The following AIG1 variants were observed in gnomAD, a reference collection of about 807,000 sequenced individuals.
AIG1 encodes androgen-induced gene 1 protein.
A neutral mutation model predicts 31.4 loss-of-function variants in AIG1; 23 were observed. The observed-to-expected ratio is 0.73, with a 90% CI of 0.53 to 1.04. The LOEUF is 1.04. Ranked by LOEUF, AIG1 falls within the 50% of genes least tolerant of loss-of-function variation. The probability of loss-of-function intolerance (pLI) is 0.00; values close to 1 mark genes in which losing one functional copy is unlikely to be tolerated. For missense variants in AIG1, 274 were observed against 295.0 expected, an observed-to-expected ratio of 0.93 and a Z score of 0.52; for synonymous variants, 100 against 110.5, an observed-to-expected ratio of 0.90 and a Z score of 0.60.
intron 3 of AIG1, among the ~76,000 whole-genome samples, chr6:143,223,904 G>A (rs1792731585): frequency 6.6e-6 from 1 of 152,048 alleles, no homozygotes; most frequent in Non-Finnish European, 1.5e-5. Flanking sequence ...TTAAGAAATA[G>A]ACTACCATCA....
rs754751806 is a variant in AIG1 at position 143,060,898 on chromosome 6, G to T, written c.-28G>T. On this transcript the variant is annotated 5_prime_UTR_variant, in exon 1 of 6. Coordinates refer to ENST00000357847, the MANE Select transcript of AIG1 (RefSeq NM_016108.4). ...CTCCCTCACGCCCGCCCTCCTTGCC[G>T]CCCAGCCGGTCCAGGCCTCTGGCGA... 2 of 1,449,420 alleles carry T rather than the reference G, an allele frequency of 1.4e-6. No individual in the cohort carries two copies. Among genetic ancestry groups the T allele is most frequent in the Non-Finnish European group, 1.8e-6 (2 of 1,091,866 alleles). The allele number at this position is 1,449,420 out of a possible 1,614,324, so 89.8% of individuals were successfully genotyped here.
intron 3 of AIG1, among the ~76,000 whole-genome samples, chr6:143,213,508 C>CTTTTTTTTTTTTTTTTT (rs746350692): frequency 2.0e-4 from 12 of 61,196 alleles, no homozygotes; most frequent in Non-Finnish European, 3.8e-4. Flanking sequence ...TTTCTTTCTT[C>CTTTTTTTTTTTTTTTTT]TTTTTTTTTT....
At chr6:143,084,166 T>C (rs753903375) in intron 1 of AIG1, among the ~76,000 whole-genome samples, 1 of 152,112 alleles carries the variant, frequency 6.6e-6, no homozygotes, top group Admixed American at 6.5e-5. Flanking sequence ...TACCCGAGGC[T>C]CTGTGACGGT....
At chr6:143,148,337 C>CAAAAAAAAA (rs527337431) in intron 2 of AIG1, among the ~76,000 whole-genome samples, 1 of 46,382 alleles carries the variant, frequency 2.2e-5, no homozygotes. Context: ...CCCATCTCTA[C>CAAAAAAAAA]AAAAAAAAAA....
chr6:143,139,195 T>C (rs955848053), intron 2 of AIG1, among the ~76,000 whole-genome samples: 17 of 152,238 alleles, frequency 1.1e-4, no homozygotes, highest in Admixed American at 7.2e-4. Context: ...TGTTTAGTTA[T>C]TTGTTTTAGT....
At chr6:143,287,400 T>A (rs369539151) in intron 4 of AIG1, among the ~76,000 whole-genome samples, 9 of 152,142 alleles carry the variant, frequency 5.9e-5, no homozygotes, top group African/African-American at 2.2e-4. Flanking sequence ...TTAGAAAGAG[T>A]ACATGACTTG....
intron 2 of AIG1, among the ~76,000 whole-genome samples, chr6:143,164,173 TA>T (rs1786696307): frequency 6.6e-6 from 1 of 152,232 alleles, no homozygotes; most frequent in Non-Finnish European, 1.5e-5. Flanking sequence ...TTCCATTTTG[TA>T]GCATTTTTTA....
chr6:143,224,354 G>A (rs1253977382), intron 3 of AIG1, among the ~76,000 whole-genome samples: 1 of 152,142 alleles, frequency 6.6e-6, no homozygotes, highest in Non-Finnish European at 1.5e-5. Context: ...CAGGAAACCA[G>A]GAATAGTAGG....
intron 1 of AIG1, among the ~76,000 whole-genome samples, chr6:143,072,839 C>G (rs1054692240): frequency 6.6e-6 from 1 of 152,110 alleles, no homozygotes; most frequent in Non-Finnish European, 1.5e-5. Flanking sequence ...ATTAGCATAT[C>G]CATTATTTCA....
intron 3 of AIG1, among the ~76,000 whole-genome samples, chr6:143,271,142 G>C (rs1475975489): frequency 6.6e-6 from 1 of 152,246 alleles, no homozygotes; most frequent in Non-Finnish European, 1.5e-5. Flanking sequence ...GCAGATGTCA[G>C]TGCAGAGATG....
At chr6:143,223,919 G>A (rs1792732643) in intron 3 of AIG1, among the ~76,000 whole-genome samples, 1 of 151,968 alleles carries the variant, frequency 6.6e-6, no homozygotes, top group South Asian at 2.1e-4. Context: ...CCATCATAAG[G>A]GCTGTAGTGT....
chr6:143,061,597 C>T, intron 1 of AIG1: 1 of 290,920 alleles, frequency 3.4e-6, no homozygotes, highest in South Asian at 3.3e-5. Flanking sequence ...TTCTTTGCAT[C>T]TGTTTTTTTC....
At chr6:143,077,653 A>C (rs996468694) in intron 1 of AIG1, among the ~76,000 whole-genome samples, 2 of 152,028 alleles carry the variant, frequency 1.3e-5, no homozygotes, top group African/African-American at 2.4e-5. Flanking sequence ...TCTGCATATG[A>C]TGTTTCTGGG....
rs914830320 is a variant in AIG1, at chr6:143,292,705, CT to C, written c.515+8482del. 2.0e-5 allele frequency among the ~76,000 whole-genome samples: 3 copies of C among 152,216 alleles called. No homozygotes were observed. Among genetic ancestry groups the C allele is most frequent in the African/African-American group, 7.2e-5 (3 of 41,444 alleles). ...AAAAAACGAATACTTGAACAAATCA[CT>C]TAATCTCTATGGGCCTCAATTTCCT... On this transcript the variant is annotated intron_variant, in intron 4 of 5. Transcript: ENST00000357847. The surrounding 1 kb of genome is among the most constrained non-coding windows in gnomAD (Gnocchi z 4.9).
chr6:143,113,632 A>T (rs917703573), intron 1 of AIG1, among the ~76,000 whole-genome samples: 2 of 151,200 alleles, frequency 1.3e-5, no homozygotes, highest in African/African-American at 4.9e-5. Flanking sequence ...AAAGTTACAG[A>T]TTTCTTTTTT....
rs535210258 is a variant in AIG1 at position 143,202,703 on chromosome 6, G to A, written c.399+37520G>A. 1.3e-4 allele frequency among the ~76,000 whole-genome samples: 20 copies of A among 152,236 alleles called. No individual in the cohort carries two copies. The South Asian group carries it at 2.7e-3, about 21-fold the overall frequency. ...GCATTCCCTCGTGCCCCTGGAATGGGAGATCACTGAAACCCCAGAAGTGTT... is the reference window on the plus strand; with the variant it reads ...GCATTCCCTCGTGCCCCTGGAATGGAAGATCACTGAAACCCCAGAAGTGTT... On this transcript the variant is annotated intron_variant, in intron 3 of 5. Transcript: ENST00000357847.
chr6:143,189,957 G>T, intron 3 of AIG1: 1 of 546,030 alleles, frequency 1.8e-6, no homozygotes, highest in African/African-American at 2.1e-5. Flanking sequence ...TTCTGATGAG[G>T]ATCCTCTTCC....
chr6:143,165,298 G>A, intron 3 of AIG1, 115 bp downstream of exon 3: 1 of 719,846 alleles, frequency 1.4e-6, no homozygotes, highest in South Asian at 1.8e-5. Context: ...AATCTTGGAA[G>A]GTTATAATGG....
chr6:143,190,806 C>G (rs1789725096), intron 3 of AIG1, among the ~76,000 whole-genome samples: 1 of 152,036 alleles, frequency 6.6e-6, no homozygotes, highest in African/African-American at 2.4e-5. Context: ...CGATATGATC[C>G]CCATTGAAAA....
Sources: gnomAD v4.1 joint callset for allele counts (sites outside exome capture counted in the v4.1 genomes callset) on GRCh38, gnomAD v4.1.1 for gene constraint, Gnocchi (gnomAD v3.1) non-coding constraint, MANE v1.5 for transcripts, NCBI Gene and HGNC (gene_info 2026-07-23, HGNC 2026-07-21) for gene names.